ARMC9: variants seen among roughly 807,000 people sequenced by gnomAD.
The protein encoded by ARMC9 is lisH domain-containing protein ARMC9.
ARMC9 carries 94 observed loss-of-function variants against 107.0 expected under a neutral mutation model. That is an observed-to-expected ratio of 0.88 (90% CI 0.74 to 1.04). The LOEUF (loss-of-function observed/expected upper bound fraction) is 1.04. ARMC9 is among the 50% of genes least tolerant of loss of function. The pLI, the probability that ARMC9 is intolerant of heterozygous loss-of-function variation, is 0.00. For synonymous variants in ARMC9, 380 were observed against 396.9 expected, an observed-to-expected ratio of 0.96 and a Z score of 0.51; for missense variants, 942 against 1,030.1, an observed-to-expected ratio of 0.91 and a Z score of 1.17.
At chr2:231,319,201 T>A (rs2042868372) in intron 19 of ARMC9, among the ~76,000 whole-genome samples, 1 of 152,054 alleles carries the variant, frequency 6.6e-6, no homozygotes, top group South Asian at 2.1e-4. Context: ...CTGAGTGAGG[T>A]CAGTAAGTCA....
At chr2:231,264,466 A>G (rs1256704948) in intron 12 of ARMC9, among the ~76,000 whole-genome samples, 1 of 151,616 alleles carries the variant, frequency 6.6e-6, no homozygotes, top group African/African-American at 2.4e-5. Context: ...GGCGTGAGCC[A>G]CTGTGCCCAG....
At chr2:231,359,082 G>GTTC (rs767321498) in intron 22 of ARMC9, among the ~76,000 whole-genome samples, 2 of 117,864 alleles carry the variant, frequency 1.7e-5, no homozygotes, top group African/African-American at 7.1e-5. Flanking sequence ...GGGGTCTCCT[G>GTTC]TTTTTTTTTT....
At chr2:231,258,153 G>A (rs1312890124) in intron 10 of ARMC9, among the ~76,000 whole-genome samples, 1 of 151,822 alleles carries the variant, frequency 6.6e-6, no homozygotes, top group African/African-American at 2.4e-5. Flanking sequence ...CTCCTTGGAG[G>A]GCTAAGCCAC....
intron 11 of ARMC9, 143 bp from the exon 12 acceptor site, chr2:231,262,163 A>G: frequency 1.3e-6 from 1 of 765,590 alleles, no homozygotes; most frequent in Non-Finnish European, 2.2e-6. Context: ...TTAACTTGCC[A>G]CCACTCCCCA....
At chr2:231,235,504 G>A in intron 8 of ARMC9, 123 bp downstream of exon 8, 3 of 1,181,666 alleles carry the variant, frequency 2.5e-6, no homozygotes, top group Non-Finnish European at 3.5e-6. Flanking sequence ...GGCGCCTGCT[G>A]CTCTATTTCC....
Position 231,376,539 on chromosome 2 carries a change from T to C in ARMC9, c.*5004T>C, listed in dbSNP as rs2046203246. Among the ~76,000 whole-genome samples the C allele has an allele frequency of 1.3e-5, 2 of 152,190 alleles. No individual in the cohort carries two copies. The highest frequency in any genetic ancestry group is 4.8e-5 in the African/African-American group (2 of 41,436). ...GAGGAAATTCCCGCCTAATAAATTT[T>C]GGTCAGACCGGTTGCTCTCAAACCC... On this transcript the variant is annotated 3_prime_UTR_variant, in exon 25 of 25. Transcript: ENST00000611582.
At chr2:231,316,000 C>T (rs1359274409) in intron 19 of ARMC9, among the ~76,000 whole-genome samples, 1 of 152,164 alleles carries the variant, frequency 6.6e-6, no homozygotes, top group Admixed American at 6.5e-5. Context: ...TGAGTTAATA[C>T]TGATTTATTA....
At chr2:231,221,830 C>CA (rs61031104) in intron 5 of ARMC9, among the ~76,000 whole-genome samples, 1,407 of 73,968 alleles carry the variant, frequency 0.019, 31 homozygotes, top group Non-Finnish European at 0.029. Context: ...GACTCTGTCT[C>CA]AAAAAAAAAA....
At chr2:231,289,167 T>A (rs564801586) in intron 17 of ARMC9, among the ~76,000 whole-genome samples, 22 of 152,316 alleles carry the variant, frequency 1.4e-4, no homozygotes, top group African/African-American at 4.3e-4. Flanking sequence ...TGTGATTTTT[T>A]AAAAATACAT....
At chr2:231,238,706 G>T (rs2035999525) in intron 8 of ARMC9, among the ~76,000 whole-genome samples, 1 of 152,194 alleles carries the variant, frequency 6.6e-6, no homozygotes, top group Non-Finnish European at 1.5e-5. Context: ...TAGGAATTCA[G>T]AAGGAATGGA....
At chr2:231,258,829 A>G (rs931400481) in intron 10 of ARMC9, 162 bp from the exon 11 acceptor site, 5 of 629,184 alleles carry the variant, frequency 7.9e-6, no homozygotes, top group Non-Finnish European at 1.4e-5. Flanking sequence ...AAGCTGAGGT[A>G]GGAGCCTAGA....
rs1245946080 is a variant in ARMC9 at position 231,216,741 on chromosome 2, T to C, written c.452T>C (p.Leu151Pro). Residue 151 changes from leucine to proline, a missense_variant, in exon 5 of 25, where the codon CTT becomes CCT. Coordinates refer to ENST00000611582, the MANE Select transcript of ARMC9 (RefSeq NM_001352754.2). Reference sequence around the variant, plus strand: ...ACAGAGTTTCTTCCTTTCTATGCCCTTCCTTTTGTTCCCAACCCTATGGTG... The same window carrying C: ...ACAGAGTTTCTTCCTTTCTATGCCCCTCCTTTTGTTCCCAACCCTATGGTG... Reference protein sequence around the residue: ...QTTEFLPFYALPFVPNPMVHP... With the variant: ...QTTEFLPFYAPPFVPNPMVHP... 6.2e-7 allele frequency: 1 copy of C among 1,614,108 alleles called. No homozygotes were observed. The highest frequency in any genetic ancestry group is 8.5e-7 in the Non-Finnish European group (1 of 1,179,936).
At chr2:231,343,463 A>G (rs1341460548) in intron 20 of ARMC9, among the ~76,000 whole-genome samples, 1 of 152,036 alleles carries the variant, frequency 6.6e-6, no homozygotes, top group African/African-American at 2.4e-5. Flanking sequence ...GGAAGTTGCA[A>G]AAGTAACACA....
chr2:231,252,743 C>T (rs1034215378), intron 9 of ARMC9, among the ~76,000 whole-genome samples: 1 of 151,920 alleles, frequency 6.6e-6, no homozygotes, highest in Non-Finnish European at 1.5e-5. Flanking sequence ...CTCAAGCAAT[C>T]CTCCCACCTC....
intron 23 of ARMC9, among the ~76,000 whole-genome samples, chr2:231,361,109 A>G (rs540717629): frequency 5.3e-4 from 81 of 152,360 alleles, no homozygotes; most frequent in African/African-American, 1.5e-3. Flanking sequence ...GACGGGAAGG[A>G]CACAGCACTC....
intron 5 of ARMC9, among the ~76,000 whole-genome samples, chr2:231,219,986 C>T (rs1025835289): frequency 6.6e-6 from 1 of 152,086 alleles, no homozygotes; most frequent in African/African-American, 2.4e-5. Context: ...TGCGCCACCA[C>T]CATTTTGACC....
intron 9 of ARMC9, among the ~76,000 whole-genome samples, chr2:231,248,111 C>T (rs2036941070): frequency 6.6e-6 from 1 of 152,158 alleles, no homozygotes; most frequent in African/African-American, 2.4e-5. Flanking sequence ...GGTGGTCTCC[C>T]CTCCTGAATT....
chr2:231,288,704 C>A (rs2040783549), intron 17 of ARMC9: 1 of 471,064 alleles, frequency 2.1e-6, no homozygotes, highest in Non-Finnish European at 4.4e-6. Context: ...TTGCTGCTGA[C>A]AACATCAAGG....
intron 19 of ARMC9, among the ~76,000 whole-genome samples, chr2:231,328,831 T>TTTTTTTTTTTTTTTTTTTTTGGG: frequency 6.9e-6 from 1 of 145,536 alleles, no homozygotes; most frequent in African/African-American, 2.5e-5. Context: ...TTTTTTTTTT[T>TTTTTTTTTTTTTTTTTTTTTGGG]TGAGTCGGAG....
Sources: gnomAD v4.1 joint callset for allele counts (sites outside exome capture counted in the v4.1 genomes callset) on GRCh38, gnomAD v4.1.1 for gene constraint, MANE v1.5 for transcripts, NCBI Gene and HGNC (gene_info 2026-07-23, HGNC 2026-07-21) for gene names.